Variants in GPC6 observed in about 807,000 individuals in gnomAD.
GPC6 encodes glypican-6.
A neutral mutation model predicts 55.2 loss-of-function variants in GPC6; 14 were observed. That is an observed-to-expected ratio of 0.25 (90% CI 0.17 to 0.40). GPC6 has a LOEUF of 0.40. GPC6 is among the 10% of genes least tolerant of loss of function. GPC6 has a pLI of 1.00. For missense variants in GPC6, 641 were observed against 708.5 expected (o/e 0.90, Z 1.08); for synonymous variants, 278 against 259.6 (o/e 1.07, Z -0.68).
chr13:93,744,526 G>GTTTTTT (rs1884319614), intron 2 of GPC6, among the ~76,000 whole-genome samples: 6 of 36,754 alleles, frequency 1.6e-4, no homozygotes, highest in Admixed American at 8.4e-4. Context: ...GCTTTCCCTA[G>GTTTTTT]TCTTTTTTTT....
intron 4 of GPC6, among the ~76,000 whole-genome samples, chr13:94,050,183 G>T (rs1045533637): frequency 7.2e-5 from 11 of 152,096 alleles, no homozygotes; most frequent in African/African-American, 2.7e-4. Context: ...TAGGGGTTTG[G>T]TCTGTTTTGT....
At chr13:93,595,561 A>G (rs1239619589) in intron 2 of GPC6, among the ~76,000 whole-genome samples, 1 of 152,186 alleles carries the variant, frequency 6.6e-6, no homozygotes, top group Non-Finnish European at 1.5e-5. Flanking sequence ...AACTATTTCC[A>G]GGGCTCATAT....
At chr13:93,819,180 G>C (rs1237112032) in intron 2 of GPC6, among the ~76,000 whole-genome samples, 1 of 152,098 alleles carries the variant, frequency 6.6e-6, no homozygotes, top group Non-Finnish European at 1.5e-5. Context: ...AGTCTCCTTA[G>C]AGCCTACACA....
rs145557476 is a variant in GPC6 at position 93,992,028 on chromosome 13, T to G, written c.712-35701T>G. ...ATACATCATATTTATATAGTTTATATAGACATCTTTATGGTATATTTACAC... is the reference window on the plus strand; with the variant it reads ...ATACATCATATTTATATAGTTTATAGAGACATCTTTATGGTATATTTACAC... On this transcript the variant is annotated intron_variant, in intron 3 of 8. Transcript: ENST00000377047. Among the ~76,000 whole-genome samples, 746 of 151,918 alleles carry G rather than the reference T, an allele frequency of 4.9e-3. 7 individuals carry two copies. The highest frequency in any genetic ancestry group is 0.017 in the African/African-American group (724 of 41,474).
At chr13:94,139,823 A>G (rs555357862) in intron 4 of GPC6, among the ~76,000 whole-genome samples, 1 of 152,258 alleles carries the variant, frequency 6.6e-6, no homozygotes, top group African/African-American at 2.4e-5. Context: ...CCTTAGTCAT[A>G]TCTGATCATT....
intron 4 of GPC6, among the ~76,000 whole-genome samples, chr13:94,140,459 A>G (rs944289281): frequency 1.3e-5 from 2 of 152,194 alleles, no homozygotes; most frequent in Non-Finnish European, 2.9e-5. Flanking sequence ...AAAATTATGA[A>G]ACTCCCATTT....
chr13:93,862,038 T>C (rs1312288470), intron 3 of GPC6, among the ~76,000 whole-genome samples: 1 of 151,632 alleles, frequency 6.6e-6, no homozygotes, highest in African/African-American at 2.4e-5. Flanking sequence ...AGTGTTATTA[T>C]TCATGGAATG....
chr13:93,377,962 A>T (rs1393036811), intron 1 of GPC6, among the ~76,000 whole-genome samples: 1 of 152,204 alleles, frequency 6.6e-6, no homozygotes, highest in East Asian at 1.9e-4. Context: ...CTGTGGAATA[A>T]CATTTTCAAG....
intron 4 of GPC6, among the ~76,000 whole-genome samples, chr13:94,213,395 C>T (rs1412787518): frequency 3.9e-5 from 6 of 152,184 alleles, no homozygotes; most frequent in South Asian, 2.1e-4. Context: ...ACTTTATGCA[C>T]GCTTCTGTCA....
chr13:93,926,960 A>T (rs1169887493), intron 3 of GPC6, among the ~76,000 whole-genome samples: 1 of 152,192 alleles, frequency 6.6e-6, no homozygotes, highest in Admixed American at 6.5e-5. Flanking sequence ...TTCACTGTTG[A>T]CAAAGACTAT....
chr13:94,095,977 T>A (rs1386120773), intron 4 of GPC6, among the ~76,000 whole-genome samples: 4 of 152,074 alleles, frequency 2.6e-5, no homozygotes, highest in Non-Finnish European at 4.4e-5. Context: ...GCCACCCAAA[T>A]GGAGAAAGCC....
intron 1 of GPC6, among the ~76,000 whole-genome samples, chr13:93,354,119 C>T (rs767563572): frequency 5.9e-5 from 9 of 152,124 alleles, no homozygotes; most frequent in Non-Finnish European, 8.8e-5. Context: ...ATCTGAAGCA[C>T]GTTTGCTTTG....
chr13:94,309,386 G>A (rs369715241), intron 6 of GPC6, among the ~76,000 whole-genome samples: 3 of 151,970 alleles, frequency 2.0e-5, no homozygotes, highest in Non-Finnish European at 4.4e-5. Context: ...TGAACTGGTC[G>A]TTATGGGGTT....
intron 4 of GPC6, among the ~76,000 whole-genome samples, chr13:94,275,213 A>T (rs372611578): frequency 6.6e-6 from 1 of 152,202 alleles, no homozygotes; most frequent in Non-Finnish European, 1.5e-5. Context: ...TGAAAATTCC[A>T]TGATATTTGG....
At chr13:93,924,662 G>A (rs1360279338) in intron 3 of GPC6, among the ~76,000 whole-genome samples, 2 of 149,746 alleles carry the variant, frequency 1.3e-5, no homozygotes, top group Non-Finnish European at 3.0e-5. Context: ...ATACATTAGA[G>A]TGATTGATTT....
intron 4 of GPC6, among the ~76,000 whole-genome samples, chr13:94,076,571 GC>G (rs1884922064): frequency 6.6e-6 from 1 of 151,890 alleles, no homozygotes; most frequent in Non-Finnish European, 1.5e-5. Context: ...ATGTCAAGAA[GC>G]TTTTCCTGTG....
rs188760157 is a variant in GPC6 at position 93,803,024 on chromosome 13, A to G, written c.320-27130A>G. On this transcript the variant is annotated intron_variant, in intron 2 of 8. Coordinates refer to ENST00000377047, the MANE Select transcript of GPC6 (RefSeq NM_005708.5). ...CCAGAGCTTGACTATTGTGTGAGGG[A>G]AGGAAATTATATTTTGAGTTTAGTA... 2.3e-3 allele frequency among the ~76,000 whole-genome samples: 345 copies of G among 152,252 alleles called. 1 individual carries two copies. Among genetic ancestry groups the G allele is most frequent in the Non-Finnish European group, 1.5e-3 (105 of 68,010 alleles).
chr13:93,655,003 A>ATTTTTTTTTTTTTTTTT (rs3884231), intron 2 of GPC6, among the ~76,000 whole-genome samples: 12 of 104,754 alleles, frequency 1.1e-4, no homozygotes, highest in East Asian at 2.8e-4. Flanking sequence ...TGCCCGGCTA[A>ATTTTTTTTTTTTTTTTT]TTTTTTTTTT....
chr13:93,833,119 GA>G (rs1887589756), intron 3 of GPC6, among the ~76,000 whole-genome samples: 2 of 110,252 alleles, frequency 1.8e-5, no homozygotes, highest in East Asian at 4.6e-4. Flanking sequence ...GAGAGAGAGA[GA>G]GAGAGAGAGA....
Sources: allele counts gnomAD v4.1 joint callset (sites outside exome capture counted in the v4.1 genomes callset), GRCh38; gene constraint gnomAD v4.1.1; transcripts MANE v1.5; gene names NCBI Gene and HGNC (gene_info 2026-07-23, HGNC 2026-07-21).